Variants in RCL1 observed in about 807,000 individuals in gnomAD.
RCL1 encodes the protein RNA 3'-terminal phosphate cyclase-like protein.
In RCL1, 24 loss-of-function variants were observed where a neutral mutation model predicts 42.4. That is an observed-to-expected ratio of 0.57 (90% confidence interval 0.41 to 0.80). The LOEUF is 0.80. RCL1 is among the 30% of genes least tolerant of loss of function. RCL1 has a pLI of 0.00. For missense variants in RCL1, 578 were observed against 467.9 expected, an observed-to-expected ratio of 1.24 and a Z score of -2.17; for synonymous variants, 228 against 177.3, an observed-to-expected ratio of 1.29 and a Z score of -2.27.
chr9:4,818,639 T>C (rs144371834), intron 1 of RCL1, among the ~76,000 whole-genome samples: 23 of 152,146 alleles, frequency 1.5e-4, no homozygotes, highest in African/African-American at 5.5e-4. Flanking sequence ...TCCCAGCACT[T>C]TGGGAGGCTG....
intron 1 of RCL1, among the ~76,000 whole-genome samples, chr9:4,795,003 A>G (rs1842890880): frequency 6.6e-6 from 1 of 152,194 alleles, no homozygotes; most frequent in African/African-American, 2.4e-5. Flanking sequence ...AGGGGAAGAA[A>G]GAGACTCCTA....
chr9:4,830,316 AAC>A (rs1377603807), intron 3 of RCL1, among the ~76,000 whole-genome samples: 1 of 152,172 alleles, frequency 6.6e-6, no homozygotes, highest in African/African-American at 2.4e-5. Flanking sequence ...GACTAGGGGA[AAC>A]TTGAGCTTGC....
intron 8 of RCL1, chr9:4,850,255 T>C (rs755423177): frequency 7.6e-6 from 4 of 523,170 alleles, no homozygotes. Flanking sequence ...CTGAGGTTGG[T>C]GAGCTGGGTG....
At chr9:4,834,364 C>A in intron 5 of RCL1, 99 bp downstream of exon 5, 9 of 1,322,536 alleles carry the variant, frequency 6.8e-6, no homozygotes, top group Non-Finnish European at 6.1e-6. Flanking sequence ...AGGTTATTTA[C>A]ATTTTAGACT....
intron 1 of RCL1, among the ~76,000 whole-genome samples, chr9:4,806,380 A>G (rs1815963051): frequency 2.6e-5 from 4 of 152,132 alleles, no homozygotes; most frequent in Admixed American, 2.6e-4. Flanking sequence ...TTAAAAAGTC[A>G]AGTTGAGAAA....
intron 1 of RCL1, among the ~76,000 whole-genome samples, chr9:4,819,377 C>A (rs1418978439): frequency 6.6e-6 from 1 of 152,226 alleles, no homozygotes; most frequent in South Asian, 2.1e-4. Flanking sequence ...TTTAGAGAAT[C>A]TTTGAATTAA....
chr9:4,856,938 G>C (rs1164698515), intron 8 of RCL1, among the ~76,000 whole-genome samples: 1 of 152,198 alleles, frequency 6.6e-6, no homozygotes, highest in African/African-American at 2.4e-5. Context: ...AACTAGATCA[G>C]TGCTCTTAGC....
At chr9:4,846,103 A>T (rs545079252) in intron 7 of RCL1, among the ~76,000 whole-genome samples, 1 of 152,222 alleles carries the variant, frequency 6.6e-6, no homozygotes, top group Non-Finnish European at 1.5e-5. Flanking sequence ...CCAGCCTCAC[A>T]GTGGAAAACA....
At chr9:4,823,681 C>CT (rs894347311) in intron 2 of RCL1, 62 bp downstream of exon 2, 44 of 1,156,790 alleles carry the variant, frequency 3.8e-5, no homozygotes, top group Admixed American at 7.1e-5. Context: ...GTTTCTCACT[C>CT]TTTTTTTTCT....
At chr9:4,806,602 A>G (rs1351982287) in intron 1 of RCL1, among the ~76,000 whole-genome samples, 1 of 148,168 alleles carries the variant, frequency 6.7e-6, no homozygotes, top group African/African-American at 2.6e-5. Flanking sequence ...ACACACACAC[A>G]CACACACACA....
In RCL1 at chr9:4,853,346, C is replaced by T. The variant is rs142305956; in HGVS notation, c.971+3796C>T. Reference sequence around the variant, plus strand: ...GCTCTTTTTTTTTTTTTTTTTGAGACGGAGTCTCCTCTGTCGCCCAGGCTG... The same window carrying T: ...GCTCTTTTTTTTTTTTTTTTTGAGATGGAGTCTCCTCTGTCGCCCAGGCTG... On this transcript the variant is annotated intron_variant, in intron 8 of 8. Coordinates refer to ENST00000381750, the MANE Select transcript of RCL1 (RefSeq NM_005772.5). Among the ~76,000 whole-genome samples the T allele has an allele frequency of 1.4e-3, 198 of 143,156 alleles. 1 individual carries two copies. The highest frequency in any genetic ancestry group is 4.7e-3 in the African/African-American group (175 of 37,332). 93.9% of individuals were successfully genotyped at this position (143,156 alleles called of 152,430 possible).
chr9:4,837,931 G>T (rs1817192980), intron 5 of RCL1, among the ~76,000 whole-genome samples: 1 of 152,196 alleles, frequency 6.6e-6, no homozygotes, highest in African/African-American at 2.4e-5. Context: ...AGTTGACACA[G>T]TGCCCTTTCT....
Position 4,829,970 on chromosome 9 carries a change from A to G in RCL1, c.384+2937A>G, listed in dbSNP as rs140069218. On this transcript the variant is annotated intron_variant, in intron 3 of 8. Coordinates refer to ENST00000381750, the MANE Select transcript of RCL1 (RefSeq NM_005772.5). The stretch of plus-strand genomic sequence containing the variant: ...CTGTGGGCATTAGGGTTTCTGCCCC[A>G]TGGTCCAAGGGACTGAGAATGGAAG... 4.0e-3 allele frequency among the ~76,000 whole-genome samples: 610 copies of G among 152,330 alleles called. 6 individuals carry two copies. The highest frequency in any genetic ancestry group is 0.014 in the African/African-American group (590 of 41,560).
intron 8 of RCL1, among the ~76,000 whole-genome samples, chr9:4,858,820 T>C (rs1335416333): frequency 6.6e-6 from 1 of 152,208 alleles, no homozygotes; most frequent in African/African-American, 2.4e-5. Flanking sequence ...GCGAGGTTTT[T>C]GTAATACTTC....
rs1399137721 is a variant in RCL1, at chr9:4,860,510, T to C, written c.*235T>C. On this transcript the variant is annotated 3_prime_UTR_variant, in exon 9 of 9. Coordinates refer to ENST00000381750, the MANE Select transcript of RCL1 (RefSeq NM_005772.5). Reference sequence around the variant, plus strand: ...GGCCCAGTCACCATGAGAGCTCCCTTGCCTTACCTGGAGGAAGAATGTGCC... The same window carrying C: ...GGCCCAGTCACCATGAGAGCTCCCTCGCCTTACCTGGAGGAAGAATGTGCC... 2.1e-6 allele frequency: 1 copy of C among 475,530 alleles called. No homozygotes were observed. Among genetic ancestry groups the C allele is most frequent in the Admixed American group, 4.3e-5 (1 of 23,176 alleles). 29.5% of individuals were successfully genotyped at this position (475,530 alleles called of 1,614,324 possible). A position where few individuals can be genotyped will look rare whatever the true frequency, so the allele number is the denominator to read the frequency against.
intron 8 of RCL1, among the ~76,000 whole-genome samples, chr9:4,853,976 G>T (rs1325884082): frequency 1.3e-5 from 2 of 152,130 alleles, no homozygotes; most frequent in Non-Finnish European, 2.9e-5. Flanking sequence ...TGCCGGCCAA[G>T]CCTGCCTCTA....
At chr9:4,854,024 C>T (rs1263602819) in intron 8 of RCL1, among the ~76,000 whole-genome samples, 1 of 152,182 alleles carries the variant, frequency 6.6e-6, no homozygotes, top group Admixed American at 6.5e-5. Flanking sequence ...CATGAGCTTG[C>T]ACAGTACCAC....
At chr9:4,810,492 C>T (rs1033475556) in intron 1 of RCL1, among the ~76,000 whole-genome samples, 4 of 152,088 alleles carry the variant, frequency 2.6e-5, no homozygotes, top group Non-Finnish European at 4.4e-5. Flanking sequence ...TGACATATCT[C>T]CGTGTTGTAG....
chr9:4,837,647 G>T lies in RCL1; in HGVS notation c.584+3382G>T, dbSNP rs528072770. 1.6e-4 allele frequency among the ~76,000 whole-genome samples: 24 copies of T among 152,276 alleles called. No homozygotes were observed. In the South Asian group the frequency reaches 4.8e-3, roughly 30 times the overall value. Reference sequence around the variant, plus strand: ...TCTCTCTGGGTGTGCAGATGGTCGTGTCCTTTGATGATGATGCTGGGAAAT... The same window carrying T: ...TCTCTCTGGGTGTGCAGATGGTCGTTTCCTTTGATGATGATGCTGGGAAAT... On this transcript the variant is annotated intron_variant, in intron 5 of 8. Transcript: ENST00000381750.
Sources: gnomAD v4.1 joint callset for allele counts (sites outside exome capture counted in the v4.1 genomes callset) on GRCh38, gnomAD v4.1.1 for gene constraint, MANE v1.5 for transcripts, NCBI Gene and HGNC (gene_info 2026-07-23, HGNC 2026-07-21) for gene names.